Variants in CLASP1 observed in about 807,000 individuals in gnomAD.
CLASP1 encodes the protein cytoplasmic linker associated protein 1, also known as CLIP-associating protein 1.
CLASP1 carries 38 observed loss-of-function variants against 192.3 expected under a neutral mutation model. That is an observed-to-expected ratio of 0.20 (90% confidence interval 0.15 to 0.26). The LOEUF is 0.26. CLASP1 is among the 10% of genes least tolerant of loss of function. The pLI, the probability that CLASP1 is intolerant of heterozygous loss-of-function variation, is 1.00. For missense variants in CLASP1, 1,433 were observed against 1,932.5 expected, an observed-to-expected ratio of 0.74 and a Z score of 4.85; for synonymous variants, 691 against 712.8, an observed-to-expected ratio of 0.97 and a Z score of 0.49.
chr2:121,440,011 C>T (rs902738020), intron 19 of CLASP1, among the ~76,000 whole-genome samples: 2 of 147,034 alleles, frequency 1.4e-5, no homozygotes, highest in African/African-American at 5.1e-5. Context: ...TGCAGCGCAC[C>T]AGCATGGCAC....
intron 18 of CLASP1, among the ~76,000 whole-genome samples, chr2:121,447,920 C>T (rs1480468869): frequency 6.6e-6 from 1 of 152,218 alleles, no homozygotes; most frequent in African/African-American, 2.4e-5. Context: ...CACTAACCAC[C>T]ATCACACTGC....
intron 37 of CLASP1, among the ~76,000 whole-genome samples, chr2:121,349,046 C>T (rs2063853455): frequency 6.6e-6 from 1 of 152,060 alleles, no homozygotes; most frequent in South Asian, 2.1e-4. Flanking sequence ...CGAGACCATC[C>T]TGGCTATCAC....
chr2:121,457,488 C>CAT (rs1224936110), intron 14 of CLASP1, among the ~76,000 whole-genome samples, 199 bp downstream of exon 14: 2 of 151,416 alleles, frequency 1.3e-5, no homozygotes, highest in Non-Finnish European at 2.9e-5. Context: ...CACACACACA[C>CAT]AGAAACATAA....
chr2:121,604,121 C>G (rs1366300093), intron 2 of CLASP1, among the ~76,000 whole-genome samples: 1 of 152,182 alleles, frequency 6.6e-6, no homozygotes, highest in African/African-American at 2.4e-5. Flanking sequence ...ATATTAATTA[C>G]CCTGACCTGA....
chr2:121,377,948 A>G (rs936524988), intron 33 of CLASP1, among the ~76,000 whole-genome samples: 4 of 152,236 alleles, frequency 2.6e-5, no homozygotes, highest in Non-Finnish European at 5.9e-5. Context: ...AAGGCACGAG[A>G]TAATGAAAGT....
At chr2:121,535,916 C>T (rs2104913619) in intron 2 of CLASP1, among the ~76,000 whole-genome samples, 1 of 151,826 alleles carries the variant, frequency 6.6e-6, no homozygotes, top group East Asian at 2.0e-4. Context: ...ACTGTGTTGG[C>T]CTCCCAGAGT....
At chr2:121,427,879 C>T (rs2080718599) in intron 20 of CLASP1, among the ~76,000 whole-genome samples, 1 of 151,990 alleles carries the variant, frequency 6.6e-6, no homozygotes, top group Non-Finnish European at 1.5e-5. Flanking sequence ...TATTAAGGGC[C>T]CTAAATCTAA....
intron 2 of CLASP1, among the ~76,000 whole-genome samples, chr2:121,576,392 A>C (rs1177538020): frequency 6.6e-6 from 1 of 152,240 alleles, no homozygotes; most frequent in African/African-American, 2.4e-5. Flanking sequence ...AGGAAAGCTC[A>C]TCATCTAGTG....
At position 121,486,203 on chromosome 2, in the gene CLASP1, T is replaced by C. The variant is rs553794041; in HGVS notation, c.713-16243A>G. Among the ~76,000 whole-genome samples the C allele has an allele frequency of 2.6e-5, 4 of 152,288 alleles. No homozygotes were observed. The East Asian group carries it at 7.7e-4, about 29-fold the overall frequency. ...TAATAGGTTAGAGAATAGTAGGACA[T>C]TGAAATCATCATTTATCCCTCAAAA... is the stretch of plus-strand genomic sequence containing the variant. On this transcript the variant is annotated intron_variant, in intron 8 of 39. Coordinates refer to ENST00000263710, the Ensembl canonical transcript of CLASP1.
At chr2:121,390,964 G>A (rs1038044137) in intron 30 of CLASP1, among the ~76,000 whole-genome samples, 4 of 152,050 alleles carry the variant, frequency 2.6e-5, no homozygotes, top group Non-Finnish European at 5.9e-5. Flanking sequence ...GACTACAGGC[G>A]TGTGCCACTG....
chr2:121,401,045 A>C (rs1218732202), intron 28 of CLASP1, among the ~76,000 whole-genome samples: 1 of 152,226 alleles, frequency 6.6e-6, no homozygotes, highest in African/African-American at 2.4e-5. Flanking sequence ...GGTCACAACT[A>C]CTGCAAATGT....
At chr2:121,474,160 T>C (rs1319061157) in intron 8 of CLASP1, among the ~76,000 whole-genome samples, 1 of 152,174 alleles carries the variant, frequency 6.6e-6, no homozygotes, top group Non-Finnish European at 1.5e-5. Flanking sequence ...TCTTTTTATA[T>C]TCTTATGTAA....
At position 121,530,234 on chromosome 2, in the gene CLASP1, T is replaced by C; in HGVS notation, c.274+13A>G. 1 of 1,545,690 alleles carries C rather than the reference T, an allele frequency of 6.5e-7. No individual in the cohort carries two copies. Among genetic ancestry groups the C allele is most frequent in the Non-Finnish European group, 8.7e-7 (1 of 1,142,980 alleles). On this transcript the variant is annotated intron_variant, in intron 3 of 39. Transcript: ENST00000263710. ...GAAGGGGCCGGGTCCGCTCCACAAG[T>C]GCCGCAGCTCACCTGTGCCGATCTG...
chr2:121,459,140 A>C (rs1405856530), intron 12 of CLASP1, among the ~76,000 whole-genome samples, 165 bp from the exon 13 acceptor site: 4 of 150,712 alleles, frequency 2.7e-5, no homozygotes, highest in African/African-American at 9.7e-5. Flanking sequence ...TCTTAGCCCA[A>C]AAGTTTTGTT....
At chr2:121,549,552 G>C (rs1333658340) in intron 2 of CLASP1, among the ~76,000 whole-genome samples, 5 of 151,976 alleles carry the variant, frequency 3.3e-5, no homozygotes, top group Non-Finnish European at 7.4e-5. Flanking sequence ...AATTTATAAA[G>C]ATATTCAAGA....
intron 2 of CLASP1, among the ~76,000 whole-genome samples, chr2:121,552,459 A>G (rs2058126764): frequency 6.6e-6 from 1 of 152,258 alleles, no homozygotes; most frequent in African/African-American, 2.4e-5. Context: ...AAGGTCTAAT[A>G]TCCAGCATCT....
intron 34 of CLASP1, among the ~76,000 whole-genome samples, chr2:121,377,145 T>C (rs1192383071): frequency 6.6e-6 from 1 of 152,214 alleles, no homozygotes; most frequent in Admixed American, 6.5e-5. Context: ...GGACTGCTGC[T>C]CTAAAGTACT....
rs1209325236 is a variant in CLASP1 at position 121,531,748 on chromosome 2, G to C, written c.196-1423C>G. ...CTGGGCGTGGCGGCGCATGCCTGTA[G>C]TCCCAGCTACTTGGGAGGCTGAGGC... On this transcript the variant is annotated intron_variant, in intron 2 of 39. Transcript: ENST00000263710. Among the ~76,000 whole-genome samples, 3 of 151,836 alleles carry C rather than the reference G, an allele frequency of 2.0e-5. No homozygotes were observed. The South Asian group carries it at 6.2e-4, about 31-fold the overall frequency.
chr2:121,366,598 T>G (rs533896294), intron 35 of CLASP1, among the ~76,000 whole-genome samples: 1 of 152,306 alleles, frequency 6.6e-6, no homozygotes, highest in East Asian at 1.9e-4. Context: ...GACCTTGAGC[T>G]CTCTGAGGCC....
Sources: gnomAD v4.1 joint callset for allele counts (sites outside exome capture counted in the v4.1 genomes callset) on GRCh38, gnomAD v4.1.1 for gene constraint, MANE v1.5 for transcripts, NCBI Gene and HGNC (gene_info 2026-07-23, HGNC 2026-07-21) for gene names.